The following HSPG2 variants were observed in gnomAD, a reference collection of about 807,000 sequenced individuals.
HSPG2 encodes the protein basement membrane-specific heparan sulfate proteoglycan core protein.
Under a neutral mutation model 526.6 loss-of-function variants are expected in HSPG2, and 278 were observed. That is an observed-to-expected ratio of 0.53 (90% CI 0.48 to 0.58). HSPG2 has a LOEUF of 0.58. HSPG2 is among the 20% of genes least tolerant of loss of function. The probability of loss-of-function intolerance (pLI) is 0.00; values close to 1 mark genes in which losing one functional copy is unlikely to be tolerated. For synonymous variants in HSPG2, 2,465 were observed against 2,555.4 expected (o/e 0.96, Z 1.07); for missense variants, 5,354 against 6,099.5 (o/e 0.88, Z 4.07).
chr1:21,841,644 T>C lies in HSPG2; in HGVS notation c.9223A>G (p.Ile3075Val). The C allele has an allele frequency of 6.2e-7, 1 of 1,614,106 alleles. No homozygotes were observed. Among genetic ancestry groups the C allele is most frequent in the Non-Finnish European group, 8.5e-7 (1 of 1,180,004 alleles). The change falls in exon 70 of 97, where the codon ATC becomes GTC. Residue 3075 changes from isoleucine (I) to valine (V), a missense_variant. Coordinates refer to ENST00000374695, the MANE Select transcript of HSPG2 (RefSeq NM_005529.7). The stretch of plus-strand genomic sequence containing the variant: ...GGCCGGGTGCCCACGATGGTGATGA[T>C]GGAGCCATTGGGACTGATGTGGACG... ...DNVHISPNGSIITIVGTRPSN... is the reference protein window; with the variant it reads ...DNVHISPNGSVITIVGTRPSN...
Position 21,857,086 on chromosome 1 carries a change from G to A in HSPG2, c.5504C>T (p.Ala1835Val). The A allele has an allele frequency of 1.9e-6, 3 of 1,614,174 alleles. No homozygotes were observed. The South Asian group carries it at 3.3e-5, about 18-fold the overall frequency. The change falls in exon 44 of 97, where the codon GCA becomes GTA. Residue 1835 changes from alanine to valine, a missense_variant. Physicochemically the swap from Ala to Val is moderately conservative, Grantham distance 64 (BLOSUM62 0). Transcript: ENST00000374695. Reference sequence around the variant, plus strand: ...GGAGCCGGTGCACACGTAGGTGCCTGCATCACTCAGCTGGACGTTGCGAAT... The same window carrying A: ...GGAGCCGGTGCACACGTAGGTGCCTACATCACTCAGCTGGACGTTGCGAAT... The part of the protein sequence containing the change: ...LTIRNVQLSD[A>V]GTYVCTGSNM...
intron 1 of HSPG2, among the ~76,000 whole-genome samples, chr1:21,910,956 A>G (rs1643625169): frequency 6.6e-6 from 1 of 152,182 alleles, no homozygotes; most frequent in Non-Finnish European, 1.5e-5. Flanking sequence ...GCAAATGGCC[A>G]AGCTGGGAGT....
rs75933566 is a variant in HSPG2, at chr1:21,828,725, G to A, written c.12237+110C>T. The A allele has an allele frequency of 6.8e-6, 10 of 1,469,508 alleles. No homozygotes were observed. Among genetic ancestry groups the A allele is most frequent in the South Asian group, 4.9e-5 (4 of 81,910 alleles). 91.0% of individuals were successfully genotyped at this position (1,469,508 alleles called of 1,614,324 possible). On this transcript the variant is annotated intron_variant, in intron 88 of 96. Transcript: ENST00000374695. This position sits in a 1 kb window ranked among gnomAD's most constrained non-coding sequence, Gnocchi z 6.0. ...GGTACAGTGTCCTGGCCCAGGGCCC[G>A]TGGGTGGCTGCAGGTGGAGGGGCCC...
chr1:21,901,273 A>C (rs1386371974), intron 1 of HSPG2, among the ~76,000 whole-genome samples: 2 of 152,110 alleles, frequency 1.3e-5, no homozygotes, highest in African/African-American at 4.8e-5. Context: ...CTTATACAGT[A>C]AGTGCTTAAT....
intron 85 of HSPG2, 173 bp downstream of exon 85, chr1:21,830,805 TGAGG>T (rs765963514): frequency 1.7e-6 from 1 of 577,674 alleles, no homozygotes; most frequent in Non-Finnish European, 3.1e-6. Flanking sequence ...AGTGATGGGG[TGAGG>T]GCCTTCGGGT....
At chr1:21,841,964 GC>G in intron 69 of HSPG2, 37 bp downstream of exon 69, 2 of 1,610,816 alleles carry the variant, frequency 1.2e-6, no homozygotes. Context: ...CCCCATGCCT[GC>G]CCCCAGCTTG....
At chr1:21,851,131 C>T (rs1638859872) in intron 55 of HSPG2, among the ~76,000 whole-genome samples, 1 of 152,060 alleles carries the variant, frequency 6.6e-6, no homozygotes, top group Admixed American at 6.6e-5. Context: ...TGCCACTATG[C>T]CCGGCTAATT....
Position 21,865,896 on chromosome 1 carries a change from C to T in HSPG2, c.4222-87G>A. On this transcript the variant is annotated intron_variant, in intron 33 of 96. Coordinates refer to ENST00000374695, the MANE Select transcript of HSPG2 (RefSeq NM_005529.7). This position sits in a 1 kb window ranked among gnomAD's most constrained non-coding sequence, Gnocchi z 5.4. Reference sequence around the variant, plus strand: ...AGGTGAGGGATGGAGCATCTGGCGGCCTTTTTGCACCTGTGCCACACTCCC... The same window carrying T: ...AGGTGAGGGATGGAGCATCTGGCGGTCTTTTTGCACCTGTGCCACACTCCC... The T allele has an allele frequency of 3.0e-6, 3 of 992,982 alleles. No homozygotes were observed. 61.5% of individuals were successfully genotyped at this position (992,982 alleles called of 1,614,324 possible). A position where few individuals can be genotyped will look rare whatever the true frequency, so the allele number is the denominator to read the frequency against.
rs753202755 is a variant in HSPG2 at position 21,842,393 on chromosome 1, C to T, written c.8911-13G>A. 41 of 1,594,748 alleles carry T rather than the reference C, an allele frequency of 2.6e-5. No individual in the cohort carries two copies. The highest frequency in any genetic ancestry group is 3.4e-5 in the South Asian group (3 of 89,066). ...GGGAGCCATGGGTCTGTCAGAGCAGCGAGGGGACAGTTATCAGGGCAAAGT... is the reference window on the plus strand; with the variant it reads ...GGGAGCCATGGGTCTGTCAGAGCAGTGAGGGGACAGTTATCAGGGCAAAGT... On this transcript the variant is annotated splice_polypyrimidine_tract_variant and intron_variant, in intron 67 of 96. Transcript: ENST00000374695.
intron 33 of HSPG2, among the ~76,000 whole-genome samples, chr1:21,867,908 T>C (rs767944804): frequency 1.3e-5 from 2 of 152,136 alleles, no homozygotes; most frequent in Non-Finnish European, 2.9e-5. Flanking sequence ...TTTTGTATTT[T>C]TAGTAGAGAC....
intron 37 of HSPG2, among the ~76,000 whole-genome samples, chr1:21,863,060 C>CAAAAAAAAA (rs60890297): frequency 2.9e-4 from 9 of 31,232 alleles, no homozygotes; most frequent in African/African-American, 1.2e-3. Context: ...GACTCCATCT[C>CAAAAAAAAA]AAAAAAAAAA....
intron 1 of HSPG2, among the ~76,000 whole-genome samples, chr1:21,927,656 C>A (rs1053953892): frequency 1.3e-5 from 2 of 152,194 alleles, no homozygotes; most frequent in African/African-American, 4.8e-5. Flanking sequence ...GGGGACAAGG[C>A]GTCCAAAGAC....
intron 57 of HSPG2, 64 bp downstream of exon 57, chr1:21,849,977 C>G: frequency 6.2e-7 from 1 of 1,603,108 alleles, no homozygotes; most frequent in East Asian, 2.2e-5. Context: ...TGCGCCCGGT[C>G]AAGCCTATGC....
intron 1 of HSPG2, among the ~76,000 whole-genome samples, chr1:21,917,058 G>A (rs2152794195): frequency 6.6e-6 from 1 of 152,336 alleles, no homozygotes; most frequent in Middle Eastern, 3.4e-3. Flanking sequence ...CCTGAATTCT[G>A]TCAGCTACAC....
chr1:21,824,019 C>G lies in HSPG2; in HGVS notation c.12899+102G>C. On this transcript the variant is annotated intron_variant, in intron 95 of 96. Coordinates refer to ENST00000374695, the MANE Select transcript of HSPG2 (RefSeq NM_005529.7). This position sits in a 1 kb window ranked among gnomAD's most constrained non-coding sequence, Gnocchi z 5.9. ...CCCCTCCCCTGGCTTCAAGTTCTGT[C>G]TCCACAGAGCTCAATACCTGCCTCT... is the stretch of plus-strand genomic sequence containing the variant. 1 of 1,168,666 alleles carries G rather than the reference C, an allele frequency of 8.6e-7. No individual in the cohort carries two copies. The highest frequency in any genetic ancestry group is 1.2e-6 in the Non-Finnish European group (1 of 800,348). 72.4% of individuals were successfully genotyped at this position (1,168,666 alleles called of 1,614,324 possible). A position where few individuals can be genotyped will look rare whatever the true frequency, so the allele number is the denominator to read the frequency against.
At chr1:21,934,552 T>G (rs1317177034) in intron 1 of HSPG2, among the ~76,000 whole-genome samples, 1 of 151,704 alleles carries the variant, frequency 6.6e-6, no homozygotes. Flanking sequence ...GAGGATCGCT[T>G]GAGGCCAGGA....
At chr1:21,927,494 G>A (rs893479602) in intron 1 of HSPG2, among the ~76,000 whole-genome samples, 1 of 149,280 alleles carries the variant, frequency 6.7e-6, no homozygotes, top group Non-Finnish European at 1.5e-5. Context: ...TGTAGGCCAG[G>A]GGGGGACAGG....
chr1:21,934,897 G>T (rs1243007164), intron 1 of HSPG2, among the ~76,000 whole-genome samples: 3 of 139,008 alleles, frequency 2.2e-5, no homozygotes, highest in Non-Finnish European at 3.1e-5. Context: ...GCCTGGCCCC[G>T]AAAAACTTTT....
rs1642562287 is a variant in HSPG2, at chr1:21,893,996, G to C, written c.244+1926C>G. On this transcript the variant is annotated intron_variant, in intron 3 of 96. Transcript: ENST00000374695. The surrounding 1 kb of genome is among the most constrained non-coding windows in gnomAD (Gnocchi z 4.3). Reference sequence around the variant, plus strand: ...GGCAGAGGGAGGAGGCGCAGAGACAGACACTCAAGGAGTGGGGAAGAGGGC... The same window carrying C: ...GGCAGAGGGAGGAGGCGCAGAGACACACACTCAAGGAGTGGGGAAGAGGGC... 6.6e-6 allele frequency among the ~76,000 whole-genome samples: 1 copy of C among 151,996 alleles called. No homozygotes were observed. The highest frequency in any genetic ancestry group is 2.1e-4 in the South Asian group (1 of 4,818).
Sources: allele counts gnomAD v4.1 joint callset (sites outside exome capture counted in the v4.1 genomes callset), GRCh38; gene constraint gnomAD v4.1.1; non-coding constraint Gnocchi (gnomAD v3.1); transcripts MANE v1.5; gene names NCBI Gene and HGNC (gene_info 2026-07-23, HGNC 2026-07-21).